Variants in DCN observed in about 807,000 individuals in gnomAD.
DCN encodes the protein bone proteoglycan II.
A neutral mutation model predicts 36.5 loss-of-function variants in DCN; 17 were observed. The observed-to-expected ratio is 0.47, with a 90% CI of 0.32 to 0.70. The LOEUF is 0.70. Ranked by LOEUF, DCN falls within the 30% of genes least tolerant of loss-of-function variation. The probability of loss-of-function intolerance (pLI) is 0.04; values close to 1 mark genes in which losing one functional copy is unlikely to be tolerated. For missense variants in DCN, 389 were observed against 430.1 expected, an observed-to-expected ratio of 0.90 and a Z score of 0.84; for synonymous variants, 163 against 161.4, an observed-to-expected ratio of 1.01 and a Z score of -0.07.
intron 7 of DCN, among the ~76,000 whole-genome samples, chr12:91,147,322 G>A (rs914700392): frequency 2.6e-5 from 4 of 152,154 alleles, no homozygotes; most frequent in Non-Finnish European, 5.9e-5. Context: ...CATGTAAGTC[G>A]TTTTTTCTTA....
intron 2 of DCN, among the ~76,000 whole-genome samples, chr12:91,170,192 C>T (rs1389710668): frequency 6.6e-6 from 1 of 152,038 alleles, no homozygotes; most frequent in Non-Finnish European, 1.5e-5. Flanking sequence ...AATCTCCTAC[C>T]ATAGTGCATA....
intron 2 of DCN, chr12:91,172,838 T>C: frequency 1.5e-6 from 1 of 659,692 alleles, no homozygotes; most frequent in Non-Finnish European, 2.7e-6. Context: ...GTAGAGGTTG[T>C]ACGAAGATAA....
intron 7 of DCN, among the ~76,000 whole-genome samples, chr12:91,149,710 C>T (rs1220414979): frequency 1.3e-5 from 2 of 152,048 alleles, no homozygotes; most frequent in Non-Finnish European, 2.9e-5. Context: ...AAGGAACTCA[C>T]AAAAATTACT....
intron 6 of DCN, 66 bp from the exon 7 acceptor site, chr12:91,151,858 A>G: frequency 1.9e-6 from 3 of 1,586,648 alleles, no homozygotes; most frequent in Non-Finnish European, 2.6e-6. Context: ...AGCATTGTGT[A>G]GTTAATCAAG....
At chr12:91,155,207 T>C (rs532421509) in intron 5 of DCN, among the ~76,000 whole-genome samples, 1 of 152,276 alleles carries the variant, frequency 6.6e-6, no homozygotes, top group South Asian at 2.1e-4. Flanking sequence ...GCTTCCTAGC[T>C]CTAAGAACTT....
At chr12:91,166,616 C>A (rs925172181) in intron 2 of DCN, among the ~76,000 whole-genome samples, 1 of 152,130 alleles carries the variant, frequency 6.6e-6, no homozygotes, top group African/African-American at 2.4e-5. Flanking sequence ...TAGTGACTCT[C>A]AACATTTTGT....
At chr12:91,172,938 T>C (rs1346297688) in intron 2 of DCN, 5 of 515,796 alleles carry the variant, frequency 9.7e-6, no homozygotes, top group South Asian at 8.9e-5. Flanking sequence ...TATGTATATA[T>C]AATTGATTAT....
intron 1 of DCN, chr12:91,180,121 G>C (rs1027740786): frequency 6.6e-6 from 1 of 152,042 alleles, no homozygotes; most frequent in Admixed American, 6.6e-5. Context: ...AAACCATTCT[G>C]ATATCTCCAA....
chr12:91,164,400 CAAAA>C (rs5799980), intron 3 of DCN, among the ~76,000 whole-genome samples: 2,574 of 78,936 alleles, frequency 0.033, 114 homozygotes, highest in African/African-American at 0.15. Flanking sequence ...AAGCATAATT[CAAAA>C]AAAAAAAAAA....
rs1880855820 is a variant in DCN, at chr12:91,143,819, T to TATATATAAATATATATATATAAAG, written c.*2215_*2238dup. On this transcript the variant is annotated 3_prime_UTR_variant, in exon 8 of 8. Coordinates refer to ENST00000052754, the MANE Select transcript of DCN (RefSeq NM_001920.5). Reference sequence around the variant, plus strand: ...ATATATGTATATATGCAAAAAGATATATATATAAATATATATATATAAAGA... The same window carrying TATATATAAATATATATATATAAAG: ...ATATATGTATATATGCAAAAAGATATATATATAAATATATATATATAAAGATATATAAATATATATATATAAAGA... 6.8e-6 allele frequency: 1 copy of TATATATAAATATATATATATAAAG among 148,088 alleles called. No individual in the cohort carries two copies. The highest frequency in any genetic ancestry group is 2.5e-5 in the African/African-American group (1 of 40,746). The allele number at this position is 148,088 out of a possible 1,614,324, so 9.2% of individuals were successfully genotyped here. A position where few individuals can be genotyped will look rare whatever the true frequency, so the allele number is the denominator to read the frequency against.
rs1880904404 is a variant in DCN at position 91,144,581 on chromosome 12, T to C, written c.*1477A>G. The C allele has an allele frequency of 6.6e-6, 1 of 152,184 alleles. No homozygotes were observed. The highest frequency in any genetic ancestry group is 2.4e-5 in the African/African-American group (1 of 41,448). 9.4% of individuals were successfully genotyped at this position (152,184 alleles called of 1,614,324 possible). On this transcript the variant is annotated 3_prime_UTR_variant, in exon 8 of 8. Coordinates refer to ENST00000052754, the MANE Select transcript of DCN (RefSeq NM_001920.5). Reference sequence around the variant, plus strand: ...CCCTAATGTTAATATTACCTCGGGATATGTCAAATGTAAATGAAAATTATT... The same window carrying C: ...CCCTAATGTTAATATTACCTCGGGACATGTCAAATGTAAATGAAAATTATT...
At chr12:91,165,554 A>G (rs1225766022) in intron 2 of DCN, among the ~76,000 whole-genome samples, 1 of 152,134 alleles carries the variant, frequency 6.6e-6, no homozygotes. Context: ...AAAGGCAGTT[A>G]TTTTTGAATA....
chr12:91,142,726 G>C lies in DCN; in HGVS notation c.*3332C>G. 6.6e-6 allele frequency: 1 copy of C among 152,188 alleles called. No individual in the cohort carries two copies. The highest frequency in any genetic ancestry group is 1.5e-5 in the Non-Finnish European group (1 of 68,032). The allele number at this position is 152,188 out of a possible 1,614,324, so 9.4% of individuals were successfully genotyped here. Reference sequence around the variant, plus strand: ...ACAGAAAGTGGTATGGCCTAGGCTAGCATAAATGTACAACAGAGGCCTTTC... The same window carrying C: ...ACAGAAAGTGGTATGGCCTAGGCTACCATAAATGTACAACAGAGGCCTTTC... On this transcript the variant is annotated 3_prime_UTR_variant, in exon 8 of 8. Transcript: ENST00000052754.
rs750727808 is a variant in DCN at position 91,164,701 on chromosome 12, T to C, written c.228A>G (p.Pro76=). 1.9e-6 allele frequency: 3 copies of C among 1,606,282 alleles called. No homozygotes were observed. The highest frequency in any genetic ancestry group is 2.6e-6 in the Non-Finnish European group (3 of 1,172,896). The change falls in exon 3 of 8, where the codon CCA becomes CCG. Residue 76 remains proline, a synonymous_variant. Coordinates refer to ENST00000052754, the MANE Select transcript of DCN (RefSeq NM_001920.5). Reference sequence around the variant, plus strand: ...GAGTTGTGTCAGGGGGAAGATCCTTTGGCACTTTGTCCAGACCTAGCATAA... The same window carrying C: ...GAGTTGTGTCAGGGGGAAGATCCTTCGGCACTTTGTCCAGACCTAGCATAA... ...QCSDLGLDKV[P]KDLPPDTTLL...
intron 2 of DCN, among the ~76,000 whole-genome samples, 169 bp downstream of exon 2, chr12:91,178,170 GAAC>G (rs1179633373): frequency 2.6e-5 from 4 of 151,990 alleles, no homozygotes; most frequent in East Asian, 3.9e-4. Context: ...GAGAAAGAGA[GAAC>G]AACAACGCTA....
At chr12:91,163,057 A>G (rs1882261764) in intron 3 of DCN, among the ~76,000 whole-genome samples, 1 of 152,200 alleles carries the variant, frequency 6.6e-6, no homozygotes, top group Non-Finnish European at 1.5e-5. Flanking sequence ...AGATTTCCAG[A>G]GTATATATTT....
intron 2 of DCN, among the ~76,000 whole-genome samples, chr12:91,174,465 C>A (rs1164192316): frequency 6.6e-6 from 1 of 151,768 alleles, no homozygotes; most frequent in Non-Finnish European, 1.5e-5. Context: ...AAGTATATGG[C>A]CTATACCTAT....
At chr12:91,177,397 A>G in intron 2 of DCN, 1 of 578,682 alleles carries the variant, frequency 1.7e-6, no homozygotes, top group South Asian at 2.2e-5. Flanking sequence ...GTGCCTGATC[A>G]TAGTATGGAA....
At chr12:91,152,638 A>G (rs1341169356) in intron 6 of DCN, among the ~76,000 whole-genome samples, 1 of 152,116 alleles carries the variant, frequency 6.6e-6, no homozygotes, top group Non-Finnish European at 1.5e-5. Context: ...AACTTTTCAG[A>G]GAAGAGGGGG....
Sources: allele counts gnomAD v4.1 joint callset (sites outside exome capture counted in the v4.1 genomes callset), GRCh38; gene constraint gnomAD v4.1.1; transcripts MANE v1.5; gene names NCBI Gene and HGNC (gene_info 2026-07-23, HGNC 2026-07-21).